Variants in RAD51B observed in about 807,000 individuals in gnomAD.
RAD51B encodes RAD51 paralog B.
RAD51B carries 38 observed loss-of-function variants against 42.2 expected under a neutral mutation model. The ratio of observed to expected loss-of-function variants is 0.90; its 90% CI spans 0.70 to 1.18. The LOEUF (loss-of-function observed/expected upper bound fraction) is 1.18, where lower values mean the gene tolerates loss of function less well. Among genes scored for constraint, RAD51B ranks in the 50% most tolerant of loss-of-function variants. The pLI, the probability that RAD51B is intolerant of heterozygous loss-of-function variation, is 0.00. For synonymous variants in RAD51B, 154 were observed against 145.2 expected (o/e 1.06, Z -0.43); for missense variants, 373 against 400.7 (o/e 0.93, Z 0.59).
intron 8 of RAD51B, among the ~76,000 whole-genome samples, chr14:68,356,843 C>G (rs145804505): frequency 6.6e-6 from 1 of 151,650 alleles, no homozygotes; most frequent in Non-Finnish European, 1.5e-5. Context: ...ATTAGCCGGG[C>G]GCGGTGGCGG....
intron 7 of RAD51B, among the ~76,000 whole-genome samples, chr14:68,055,879 T>C (rs1321422011): frequency 6.6e-6 from 1 of 152,188 alleles, no homozygotes; most frequent in East Asian, 1.9e-4. Flanking sequence ...TTGGTCACAC[T>C]GACCAACTCC....
At chr14:67,926,803 C>G (rs967126525) in intron 7 of RAD51B, among the ~76,000 whole-genome samples, 4 of 152,040 alleles carry the variant, frequency 2.6e-5, no homozygotes, top group Non-Finnish European at 4.4e-5. Context: ...ACTTTGTGAT[C>G]TGCCTGCCTC....
chr14:68,596,796 C>G (rs961352360), downstream of RAD51B, among the ~76,000 whole-genome samples: 1 of 152,222 alleles, frequency 6.6e-6, no homozygotes, highest in Non-Finnish European at 1.5e-5. Context: ...CGTAAGGAAA[C>G]AGCACTGCGA....
At chr14:67,886,243 C>T (rs2043057783) in intron 6 of RAD51B, among the ~76,000 whole-genome samples, 1 of 152,106 alleles carries the variant, frequency 6.6e-6, no homozygotes. Flanking sequence ...AACAAATTGT[C>T]TCACAGTTTA....
At chr14:68,192,179 A>C (rs1487364577) in intron 7 of RAD51B, among the ~76,000 whole-genome samples, 1 of 152,182 alleles carries the variant, frequency 6.6e-6, no homozygotes, top group Non-Finnish European at 1.5e-5. Context: ...TGTTGGTTCT[A>C]ATAACTGTAA....
intron 10 of RAD51B, among the ~76,000 whole-genome samples, chr14:68,534,505 C>T (rs1887494132): frequency 6.6e-6 from 1 of 152,120 alleles, no homozygotes; most frequent in South Asian, 2.1e-4. Flanking sequence ...GCCCATTTCC[C>T]TATCTACAGG....
intron 10 of RAD51B, among the ~76,000 whole-genome samples, chr14:68,487,417 G>A (rs1883714623): frequency 6.6e-6 from 1 of 152,018 alleles, no homozygotes; most frequent in Non-Finnish European, 1.5e-5. Context: ...GTCACCATGA[G>A]GCTAGGACCT....
chr14:67,824,994 C>T (rs972351566), intron 2 of RAD51B, among the ~76,000 whole-genome samples: 1 of 142,218 alleles, frequency 7.0e-6, no homozygotes, highest in Non-Finnish European at 1.5e-5. Context: ...AGAAGAATCG[C>T]TTGAACCCAG....
chr14:68,542,722 T>C (rs974305126), intron 10 of RAD51B, among the ~76,000 whole-genome samples: 3 of 152,198 alleles, frequency 2.0e-5, no homozygotes, highest in African/African-American at 7.2e-5. Context: ...TTCTAGTACT[T>C]TCTGACTTCT....
intron 10 of RAD51B, among the ~76,000 whole-genome samples, chr14:68,508,390 G>T (rs1051527762): frequency 6.6e-6 from 1 of 152,144 alleles, no homozygotes; most frequent in Non-Finnish European, 1.5e-5. Flanking sequence ...CGGGGACCTG[G>T]GGACAGCAAT....
At chr14:67,853,650 A>T (rs1307052868) in intron 4 of RAD51B, among the ~76,000 whole-genome samples, 1 of 152,194 alleles carries the variant, frequency 6.6e-6, no homozygotes, top group Non-Finnish European at 1.5e-5. Context: ...TGTCAGATAG[A>T]TCTGGTGGGT....
chr14:67,893,494 ACACACAC>A (rs1566945263), intron 7 of RAD51B, among the ~76,000 whole-genome samples: 28 of 85,358 alleles, frequency 3.3e-4, no homozygotes, highest in African/African-American at 6.3e-4. Context: ...ACACACACAC[ACACACAC>A]ACACACACAA....
intron 10 of RAD51B, among the ~76,000 whole-genome samples, chr14:68,510,988 C>T (rs924614682): frequency 3.3e-5 from 5 of 152,150 alleles, no homozygotes; most frequent in Non-Finnish European, 5.9e-5. Flanking sequence ...TCTCCACCTC[C>T]CTCCCATCCA....
At chr14:67,852,762 C>T (rs560936061) in intron 4 of RAD51B, among the ~76,000 whole-genome samples, 27 of 151,408 alleles carry the variant, frequency 1.8e-4, no homozygotes, top group African/African-American at 5.8e-4. Flanking sequence ...AACATATGTA[C>T]GCATGCATGT....
At chr14:68,464,336 C>G (rs890395057) in intron 9 of RAD51B, among the ~76,000 whole-genome samples, 13 of 152,202 alleles carry the variant, frequency 8.5e-5, no homozygotes, top group African/African-American at 3.1e-4. Context: ...ACCTCCAATC[C>G]AGTACACTTC....
chr14:68,250,815 G>A (rs2080613228), intron 7 of RAD51B, among the ~76,000 whole-genome samples: 1 of 152,200 alleles, frequency 6.6e-6, no homozygotes, highest in Admixed American at 6.5e-5. Context: ...ACATTCCCAG[G>A]AAGGGAGAGA....
chr14:68,300,066 T>C (rs562997147), intron 8 of RAD51B, among the ~76,000 whole-genome samples: 20 of 152,306 alleles, frequency 1.3e-4, no homozygotes, highest in Non-Finnish European at 2.8e-4. Context: ...AGGGGCTATA[T>C]ATGAAGGACA....
intron 7 of RAD51B, among the ~76,000 whole-genome samples, chr14:68,006,073 G>T (rs1276706926): frequency 6.6e-6 from 1 of 152,092 alleles, no homozygotes; most frequent in African/African-American, 2.4e-5. Flanking sequence ...ATTTATGAAG[G>T]ATCCACCTCC....
intron 7 of RAD51B, among the ~76,000 whole-genome samples, chr14:68,128,700 C>T (rs917896096): frequency 2.0e-5 from 3 of 151,998 alleles, no homozygotes; most frequent in African/African-American, 4.8e-5. Context: ...TCAAAAAAAA[C>T]GTGAGTGGGG....
Sources: allele counts gnomAD v4.1 joint callset (sites outside exome capture counted in the v4.1 genomes callset), GRCh38; gene constraint gnomAD v4.1.1; transcripts MANE v1.5; gene names NCBI Gene and HGNC (gene_info 2026-07-23, HGNC 2026-07-21).